Variants in SATL1 observed in about 807,000 individuals in gnomAD.
SATL1 encodes spermidine/spermine N1-acetyl transferase like 1, also known as spermidine/spermine N(1)-acetyltransferase-like protein 1.
A neutral mutation model predicts 51.8 loss-of-function variants in SATL1; 47 were observed. That is an observed-to-expected ratio of 0.91 (90% confidence interval 0.72 to 1.16). The LOEUF (loss-of-function observed/expected upper bound fraction) is 1.16. Among genes scored for constraint, SATL1 ranks in the 50% most tolerant of loss-of-function variants. The pLI, the probability that SATL1 is intolerant of heterozygous loss-of-function variation, is 0.00. For synonymous variants in SATL1, 176 were observed against 182.4 expected (o/e 0.97, Z 0.28); for missense variants, 520 against 526.4 (o/e 0.99, Z 0.12).
intron 2 of SATL1, among the ~76,000 whole-genome samples, chrX:85,118,041 T>G (rs993322934): frequency 9.4e-6 from 1 of 105,936 alleles, no homozygotes; most frequent in African/African-American, 3.4e-5. Context: ...TAGTCTGGGA[T>G]AGGGGCTGAT....
intron 1 of SATL1, among the ~76,000 whole-genome samples, chrX:85,240,122 G>C (rs1928558411): frequency 9.0e-6 from 1 of 111,365 alleles, no homozygotes. Flanking sequence ...AAACTCAATA[G>C]TAAGGAAACA....
chrX:85,139,405 C>T (rs1047575196), intron 2 of SATL1, among the ~76,000 whole-genome samples: 6 of 111,022 alleles, frequency 5.4e-5, no homozygotes, highest in African/African-American at 2.0e-4. Context: ...TCACAGTAAC[C>T]CACTGAGGTA....
intron 2 of SATL1, among the ~76,000 whole-genome samples, chrX:85,145,822 C>A (rs1048036895): frequency 9.0e-6 from 1 of 111,709 alleles, no homozygotes; most frequent in African/African-American, 3.3e-5. Context: ...ACCTGTGGTA[C>A]CACGATCTGA....
rs777191393 is a variant in SATL1 at position 85,166,691 on chromosome X, G to C, written c.-312-57411C>G. On this transcript the variant is annotated intron_variant, in intron 2 of 7. Coordinates refer to ENST00000644105, the MANE Select transcript of SATL1 (RefSeq NM_001367857.2). Reference sequence around the variant, plus strand: ...ACACTGCTGGTGGAAATGTAAACTAGTACAACCATTATGGAAAACAGTATG... The same window carrying C: ...ACACTGCTGGTGGAAATGTAAACTACTACAACCATTATGGAAAACAGTATG... Among the ~76,000 whole-genome samples, 39 of 110,532 alleles carry C rather than the reference G, an allele frequency of 3.5e-4. 1 individual carries two copies. Among genetic ancestry groups the C allele is most frequent in the African/African-American group, 1.3e-3 (39 of 30,394 alleles).
At chrX:85,200,758 G>GT (rs1050620437) in intron 2 of SATL1, among the ~76,000 whole-genome samples, 8 of 110,263 alleles carry the variant, frequency 7.3e-5, no homozygotes, top group Non-Finnish European at 1.5e-4. Flanking sequence ...GTATAAAAAA[G>GT]TTTTTTTTAA....
intron 2 of SATL1, chrX:85,207,231 T>C (rs1927807655): frequency 8.9e-6 from 1 of 111,776 alleles, no homozygotes; most frequent in South Asian, 3.7e-4. Context: ...CCTTCCATTG[T>C]TCAGTGTACT....
At chrX:85,143,840 CTG>C (rs1328279431) in intron 2 of SATL1, among the ~76,000 whole-genome samples, 1 of 111,444 alleles carries the variant, frequency 9.0e-6, no homozygotes, top group Non-Finnish European at 1.9e-5. Flanking sequence ...ATATTTAACA[CTG>C]TTTCTTAGAA....
At chrX:85,197,629 T>C (rs1400291578) in intron 2 of SATL1, among the ~76,000 whole-genome samples, 1 of 107,892 alleles carries the variant, frequency 9.3e-6, no homozygotes, top group Non-Finnish European at 1.9e-5. Context: ...GTACATCTCC[T>C]AATGCTATCC....
rs1166440557 is a variant in SATL1, at chrX:85,096,870, A to G, written c.1694-1874T>C. On this transcript the variant is annotated intron_variant, in intron 4 of 7. Coordinates refer to ENST00000644105, the MANE Select transcript of SATL1 (RefSeq NM_001367857.2). ...CCCCACCCCAGCCCCCTCAAAAAAA[A>G]AAAAGAAAGAAACTGAAGGAATTCA... Among the ~76,000 whole-genome samples, 6 of 68,670 alleles carry G rather than the reference A, an allele frequency of 8.7e-5. 1 individual carries two copies. Among genetic ancestry groups the G allele is most frequent in the Non-Finnish European group, 1.5e-4 (5 of 32,490 alleles). The allele number at this position is 68,670 out of a possible 115,157, so 59.6% of individuals were successfully genotyped here.
chrX:85,144,813 G>C, intron 2 of SATL1, among the ~76,000 whole-genome samples: 1 of 111,218 alleles, frequency 9.0e-6, no homozygotes, highest in Non-Finnish European at 1.9e-5. Flanking sequence ...GGTCTCTTGA[G>C]CTCAGAAGTT....
At chrX:85,164,781 A>G (rs1260981775) in intron 2 of SATL1, among the ~76,000 whole-genome samples, 2 of 106,139 alleles carry the variant, frequency 1.9e-5, no homozygotes, top group African/African-American at 6.9e-5. Flanking sequence ...CTGGAGTTCA[A>G]TGGTGCGATT....
intron 2 of SATL1, chrX:85,219,506 T>A (rs1466857570): frequency 8.9e-6 from 1 of 112,045 alleles, no homozygotes; most frequent in South Asian, 3.7e-4. Flanking sequence ...ATGACATGCA[T>A]CTTTATAAAG....
chrX:85,092,702 T>C, intron 7 of SATL1, 141 bp from the exon 8 acceptor site: 1 of 574,241 alleles, frequency 1.7e-6, no homozygotes. Context: ...CCTTTTGAAC[T>C]TTTCTATAGC....
chrX:85,187,085 A>AT (rs1294912471), intron 2 of SATL1, among the ~76,000 whole-genome samples: 14 of 111,894 alleles, frequency 1.3e-4, no homozygotes, highest in African/African-American at 4.2e-4. Context: ...ATTCCTAAAT[A>AT]TTTTTTGTAA....
intron 2 of SATL1, among the ~76,000 whole-genome samples, chrX:85,110,379 T>C (rs1432302673): frequency 8.9e-6 from 1 of 112,109 alleles, no homozygotes; most frequent in Non-Finnish European, 1.9e-5. Flanking sequence ...TCCTCAACAA[T>C]GTATATTATA....
intron 2 of SATL1, among the ~76,000 whole-genome samples, chrX:85,195,709 G>A (rs1254914347): frequency 9.1e-6 from 1 of 109,915 alleles, no homozygotes; most frequent in African/African-American, 3.3e-5. Flanking sequence ...CTACTTGGGA[G>A]GCTGAGGCAG....
Position 85,226,762 on chromosome X carries a change from T to C in SATL1, c.-434-2436A>G, listed in dbSNP as rs149664488. 6.0e-3 allele frequency among the ~76,000 whole-genome samples: 671 copies of C among 111,132 alleles called. 2 individuals carry two copies. Among genetic ancestry groups the C allele is most frequent in the Non-Finnish European group, 9.7e-3 (513 of 52,845 alleles). Reference sequence around the variant, plus strand: ...CACTTTTCCTCAGCCACTCTTATATTCATTCCCTGTCTATAATCTCAATTT... The same window carrying C: ...CACTTTTCCTCAGCCACTCTTATATCCATTCCCTGTCTATAATCTCAATTT... On this transcript the variant is annotated intron_variant, in intron 1 of 7. Transcript: ENST00000644105.
intron 1 of SATL1, among the ~76,000 whole-genome samples, chrX:85,239,939 T>C (rs1341803758): frequency 2.9e-5 from 3 of 103,077 alleles, no homozygotes; most frequent in Non-Finnish European, 6.0e-5. Flanking sequence ...GCACAACACA[T>C]GCAAGAAAAA....
At chrX:85,209,808 GAA>G (rs1927872265) in intron 2 of SATL1, 1 of 110,177 alleles carries the variant, frequency 9.1e-6, no homozygotes, top group South Asian at 3.9e-4. Flanking sequence ...CTGGTGTTTT[GAA>G]GGTTTTTTTG....
Sources: allele counts gnomAD v4.1 joint callset (sites outside exome capture counted in the v4.1 genomes callset), GRCh38; gene constraint gnomAD v4.1.1; transcripts MANE v1.5; gene names NCBI Gene and HGNC (gene_info 2026-07-23, HGNC 2026-07-21).